Variants in CRISPLD2 observed in about 807,000 individuals in gnomAD.
CRISPLD2 encodes cysteine rich secretory protein LCCL domain containing 2, also known as cysteine-rich secretory protein LCCL domain-containing 2.
A neutral mutation model predicts 71.1 loss-of-function variants in CRISPLD2; 47 were observed. That is an observed-to-expected ratio of 0.66 (90% CI 0.52 to 0.84). The LOEUF (loss-of-function observed/expected upper bound fraction) is 0.84, where lower values mean the gene tolerates loss of function less well. CRISPLD2 is among the 40% of genes least tolerant of loss of function. The pLI is 0.00. For missense variants in CRISPLD2, 830 were observed against 651.1 expected (o/e 1.27, Z -2.99); for synonymous variants, 317 against 250.1 (o/e 1.27, Z -2.52).
At chr16:84,900,036 C>T (rs28497329) in intron 14 of CRISPLD2, among the ~76,000 whole-genome samples, 1,931 of 152,218 alleles carry the variant, frequency 0.013, 45 homozygotes, top group African/African-American at 0.043. Flanking sequence ...GGAATCTGAA[C>T]TTTCCAGAAA....
chr16:84,898,936 C>A (rs1312960516), intron 14 of CRISPLD2, among the ~76,000 whole-genome samples: 1 of 152,172 alleles, frequency 6.6e-6, no homozygotes, highest in Non-Finnish European at 1.5e-5. Context: ...TACTCCTGGG[C>A]TCACTGCAGC....
chr16:84,890,636 G>A (rs1005729712), intron 14 of CRISPLD2, among the ~76,000 whole-genome samples: 1 of 151,520 alleles, frequency 6.6e-6, no homozygotes, highest in African/African-American at 2.4e-5. Flanking sequence ...GTGTGATGAC[G>A]CAAGCCTGTA....
intron 2 of CRISPLD2, chr16:84,842,028 G>T (rs944673366): frequency 9.2e-5 from 14 of 152,720 alleles, no homozygotes; most frequent in African/African-American, 3.4e-4. Flanking sequence ...GAAGAACAAA[G>T]AGCCGTTCCG....
intron 3 of CRISPLD2, among the ~76,000 whole-genome samples, chr16:84,848,510 G>C (rs1313099697): frequency 6.6e-6 from 1 of 151,470 alleles, no homozygotes; most frequent in South Asian, 2.1e-4. Flanking sequence ...TGAAGCAAGG[G>C]GGTGGTGGGC....
In CRISPLD2 at chr16:84,850,330, C is replaced by T. The variant is rs373846111; in HGVS notation, c.493-238C>T. ...GGTCTCAAACTCCTGACCTCATGAT[C>T]CGCCCACCTCAGCCTCCCAAAATGC... On this transcript the variant is annotated intron_variant, in intron 4 of 14. Transcript: ENST00000262424. Among the ~76,000 whole-genome samples the T allele has an allele frequency of 7.2e-5, 11 of 152,268 alleles. No homozygotes were observed. The South Asian group carries it at 2.3e-3, about 32-fold the overall frequency.
Position 84,877,443 on chromosome 16 carries a change from G to T in CRISPLD2, c.1162G>T (p.Asp388Tyr). ...CCCCTTGCTCCTGTTCACAGTGCAG[G>T]ATTTGGACTGCTACACGACCGTTGC... ...SFMVSKVKVQ[D>Y]LDCYTTVAQL... The change falls in exon 12 of 15, where the codon GAT (aspartate) becomes TAT (tyrosine). Residue 388 changes from aspartate (D) to tyrosine (Y), a missense_variant. Physicochemically the swap from Asp to Tyr is radical, Grantham distance 160. Transcript: ENST00000262424. 6.2e-7 allele frequency: 1 copy of T among 1,613,800 alleles called. No individual in the cohort carries two copies. The highest frequency in any genetic ancestry group is 8.5e-7 in the Non-Finnish European group (1 of 1,179,788).
At chr16:84,900,368 T>C (rs530092743) in intron 14 of CRISPLD2, among the ~76,000 whole-genome samples, 3 of 152,232 alleles carry the variant, frequency 2.0e-5, no homozygotes, top group Admixed American at 6.5e-5. Context: ...GGGGGCTCTC[T>C]TTGTTTGGAG....
rs2071735598 is a variant in CRISPLD2 at position 84,899,577 on chromosome 16, A to G, written c.1440-7011A>G. Among the ~76,000 whole-genome samples, 2 of 152,190 alleles carry G rather than the reference A, an allele frequency of 1.3e-5. 1 individual carries two copies. The highest frequency in any genetic ancestry group is 4.1e-4 in the South Asian group (2 of 4,830). On this transcript the variant is annotated intron_variant, in intron 14 of 14. Coordinates refer to ENST00000262424, the MANE Select transcript of CRISPLD2 (RefSeq NM_031476.4). ...TTTACCTGTGGCGGTGGATGGCACCAACAGTTGATGCTGCCAGTTGCACGG... is the reference window on the plus strand; with the variant it reads ...TTTACCTGTGGCGGTGGATGGCACCGACAGTTGATGCTGCCAGTTGCACGG...
intron 14 of CRISPLD2, among the ~76,000 whole-genome samples, chr16:84,897,663 C>G (rs1326673630): frequency 6.6e-6 from 1 of 152,138 alleles, no homozygotes; most frequent in Non-Finnish European, 1.5e-5. Flanking sequence ...TTTGCCCAGG[C>G]TGGAGTGCAG....
intron 6 of CRISPLD2, among the ~76,000 whole-genome samples, chr16:84,857,414 A>C (rs1381989889): frequency 6.6e-6 from 1 of 152,094 alleles, no homozygotes; most frequent in Admixed American, 6.5e-5. Context: ...ATCCATCCAC[A>C]TCCCTCTTTC....
At position 84,907,159 on chromosome 16, in the gene CRISPLD2, T is replaced by C. The variant is rs1597491631; in HGVS notation, c.*517T>C. ...GTCCCTACCAATAGAGGAAAATGGT[T>C]TTAATGTTTGCTGGTCAGACAGACA... is the stretch of plus-strand genomic sequence containing the variant. On this transcript the variant is annotated 3_prime_UTR_variant, in exon 15 of 15. Transcript: ENST00000262424. 1 of 169,498 alleles carries C rather than the reference T, an allele frequency of 5.9e-6. No individual in the cohort carries two copies. Among genetic ancestry groups the C allele is most frequent in the East Asian group, 1.8e-4 (1 of 5,670 alleles). 10.5% of individuals were successfully genotyped at this position (169,498 alleles called of 1,614,324 possible).
At chr16:84,821,603 C>G (rs191773787) in intron 1 of CRISPLD2, among the ~76,000 whole-genome samples, 1 of 152,334 alleles carries the variant, frequency 6.6e-6, no homozygotes, top group African/African-American at 2.4e-5. Context: ...AGACACTTCC[C>G]TGCCCACTGC....
At chr16:84,874,005 A>G (rs1171443812) in intron 11 of CRISPLD2, 42 bp downstream of exon 11, 3 of 1,540,054 alleles carry the variant, frequency 1.9e-6, no homozygotes, top group African/African-American at 2.8e-5. Flanking sequence ...TACCTGGGTT[A>G]TCTCAGATTT....
intron 7 of CRISPLD2, among the ~76,000 whole-genome samples, chr16:84,867,658 C>T (rs1917578470): frequency 6.6e-6 from 1 of 152,196 alleles, no homozygotes; most frequent in South Asian, 2.1e-4. Context: ...CCTTTGCCTT[C>T]CGGGTTCAAG....
chr16:84,856,732 G>A (rs1306328643), intron 6 of CRISPLD2, among the ~76,000 whole-genome samples: 1 of 152,152 alleles, frequency 6.6e-6, no homozygotes, highest in African/African-American at 2.4e-5. Context: ...CATTGTAATT[G>A]TGACTTCAAA....
chr16:84,864,918 C>A (rs1917493530), intron 6 of CRISPLD2, among the ~76,000 whole-genome samples: 1 of 152,318 alleles, frequency 6.6e-6, no homozygotes, highest in African/African-American at 2.4e-5. Context: ...GTCCCTTCCC[C>A]TTGTGGGACA....
Position 84,855,517 on chromosome 16 carries a change from T to C in CRISPLD2, c.709+688T>C, listed in dbSNP as rs149014265. Among the ~76,000 whole-genome samples, 843 of 151,806 alleles carry C rather than the reference T, an allele frequency of 5.6e-3. 7 individuals carry two copies. The highest frequency in any genetic ancestry group is 0.019 in the African/African-American group (795 of 41,516). Reference sequence around the variant, plus strand: ...TTCACATTTTTCTGCCTGCTTTATATCCTAGCTGCACTGGCAGCTGATTAG... The same window carrying C: ...TTCACATTTTTCTGCCTGCTTTATACCCTAGCTGCACTGGCAGCTGATTAG... On this transcript the variant is annotated intron_variant, in intron 6 of 14. Transcript: ENST00000262424.
intron 1 of CRISPLD2, among the ~76,000 whole-genome samples, chr16:84,835,365 G>A (rs1916592799): frequency 6.6e-6 from 1 of 152,176 alleles, no homozygotes; most frequent in Non-Finnish European, 1.5e-5. Flanking sequence ...GATTACAGGT[G>A]TGGGCCACCA....
Position 84,885,420 on chromosome 16 carries a change from G to C in CRISPLD2, c.1306-3810G>C, listed in dbSNP as rs577693907. Among the ~76,000 whole-genome samples, 9 of 152,190 alleles carry C rather than the reference G, an allele frequency of 5.9e-5. No homozygotes were observed. The South Asian group carries it at 1.7e-3, about 28-fold the overall frequency. On this transcript the variant is annotated intron_variant, in intron 13 of 14. Coordinates refer to ENST00000262424, the MANE Select transcript of CRISPLD2 (RefSeq NM_031476.4). Reference sequence around the variant, plus strand: ...AAGTTGTGGATCTTTCCTCCAAAGGGGGAAAATGCGTCCTGGTTCAGACAG... The same window carrying C: ...AAGTTGTGGATCTTTCCTCCAAAGGCGGAAAATGCGTCCTGGTTCAGACAG...
Sources: gnomAD v4.1 joint callset for allele counts (sites outside exome capture counted in the v4.1 genomes callset) on GRCh38, gnomAD v4.1.1 for gene constraint, MANE v1.5 for transcripts, NCBI Gene and HGNC (gene_info 2026-07-23, HGNC 2026-07-21) for gene names.